The following CFAP44 variants were observed in gnomAD, a reference collection of about 807,000 sequenced individuals.
CFAP44 encodes cilia- and flagella-associated protein 44.
In CFAP44, 134 loss-of-function variants were observed where a neutral mutation model predicts 216.2. The ratio of observed to expected loss-of-function variants is 0.62; its 90% CI spans 0.54 to 0.72. The LOEUF is 0.72. Among genes scored for constraint, CFAP44 ranks in the 30% least tolerant of loss-of-function variants. The pLI is 0.00. For synonymous variants in CFAP44, 700 were observed against 727.6 expected, an observed-to-expected ratio of 0.96 and a Z score of 0.61; for missense variants, 2,035 against 2,182.1, an observed-to-expected ratio of 0.93 and a Z score of 1.34.
At chr3:113,391,965 C>A (rs1933852331) in intron 15 of CFAP44, among the ~76,000 whole-genome samples, 1 of 152,036 alleles carries the variant, frequency 6.6e-6, no homozygotes, top group Admixed American at 6.6e-5. Context: ...AGTACAACCA[C>A]TATGGAGAAC....
chr3:113,303,379 T>C (rs938564193), intron 32 of CFAP44, among the ~76,000 whole-genome samples: 1 of 152,154 alleles, frequency 6.6e-6, no homozygotes, highest in Non-Finnish European at 1.5e-5. Flanking sequence ...AAATGGAATT[T>C]TGTAGCAGTA....
At chr3:113,427,693 C>T (rs1934999454) in intron 2 of CFAP44, 1 of 181,970 alleles carries the variant, frequency 5.5e-6, no homozygotes, top group Admixed American at 6.3e-5. Flanking sequence ...ACAAACAAGC[C>T]TTATTGTCTT....
At chr3:113,433,477 G>C in intron 2 of CFAP44, 88 bp downstream of exon 2, 1 of 400,756 alleles carries the variant, frequency 2.5e-6, no homozygotes, top group Non-Finnish European at 4.4e-6. Context: ...ATAACATCCT[G>C]CTCTTTCCAT....
chr3:113,369,712 A>C lies in CFAP44; in HGVS notation c.2445-3403T>G, dbSNP rs187304331. Among the ~76,000 whole-genome samples, 12 of 152,354 alleles carry C rather than the reference A, an allele frequency of 7.9e-5. No individual in the cohort carries two copies. In the East Asian group the frequency reaches 1.9e-3, roughly 24 times the overall value. The stretch of plus-strand genomic sequence containing the variant: ...ACAAATTCAAAAGCTAGCAGAAGGC[A>C]AGAAATAACTAAGATCAGAGCAGAA... On this transcript the variant is annotated intron_variant, in intron 18 of 34. Coordinates refer to ENST00000393845, the MANE Select transcript of CFAP44 (RefSeq NM_001164496.2).
At chr3:113,376,257 T>C in intron 17 of CFAP44, among the ~76,000 whole-genome samples, 1 of 152,180 alleles carries the variant, frequency 6.6e-6, no homozygotes, top group Non-Finnish European at 1.5e-5. Flanking sequence ...TGGAGCAGGT[T>C]TGTATGGGAC....
intron 6 of CFAP44, among the ~76,000 whole-genome samples, chr3:113,413,868 T>C (rs1213342052): frequency 6.6e-6 from 1 of 152,228 alleles, no homozygotes; most frequent in East Asian, 1.9e-4. Context: ...CACGTGAAAC[T>C]TAAAATCACT....
chr3:113,378,475 C>T (rs1410484083), intron 17 of CFAP44, among the ~76,000 whole-genome samples: 1 of 152,086 alleles, frequency 6.6e-6, no homozygotes, highest in Non-Finnish European at 1.5e-5. Flanking sequence ...GGGAAAAAGT[C>T]AACACTCATC....
At chr3:113,380,435 A>AT (rs931953426) in intron 16 of CFAP44, among the ~76,000 whole-genome samples, 8 of 145,884 alleles carry the variant, frequency 5.5e-5, no homozygotes, top group Non-Finnish European at 9.1e-5. Flanking sequence ...AATTCCCCCT[A>AT]TTTTTTTTTT....
intron 28 of CFAP44, among the ~76,000 whole-genome samples, chr3:113,312,315 C>T (rs1950047783): frequency 6.7e-6 from 1 of 150,224 alleles, no homozygotes; most frequent in Admixed American, 6.6e-5. Context: ...CATCACCTGA[C>T]CTCATGATCC....
chr3:113,402,264 C>T (rs951983508), intron 9 of CFAP44, among the ~76,000 whole-genome samples: 1 of 152,214 alleles, frequency 6.6e-6, no homozygotes, highest in African/African-American at 2.4e-5. Context: ...TCACACTTTA[C>T]TATCTCATTG....
intron 22 of CFAP44, among the ~76,000 whole-genome samples, chr3:113,350,826 C>A (rs1278666710): frequency 6.6e-6 from 1 of 152,234 alleles, no homozygotes; most frequent in African/African-American, 2.4e-5. Flanking sequence ...AAAGGGGTAG[C>A]TTACTGGCTC....
chr3:113,321,322 A>T (rs759751302), intron 28 of CFAP44, among the ~76,000 whole-genome samples: 7 of 152,218 alleles, frequency 4.6e-5, no homozygotes, highest in Non-Finnish European at 1.0e-4. Flanking sequence ...AATCAAACAT[A>T]TCTTCATAAT....
rs1459797110 is a variant in CFAP44, at chr3:113,304,019, C to T, written c.4974G>A (p.Glu1658=). ...ALRRLQERIH[E]LQEENSKQQK... ...GCTGCTTGGAATTTTCCTCCTGGAG[C>T]TCATGGATTCGTTCTTGCAGCCGTC... The change falls in exon 32 of 35, where the codon GAG becomes GAA. Residue 1658 remains glutamate (E), a synonymous_variant. Coordinates refer to ENST00000393845, the MANE Select transcript of CFAP44 (RefSeq NM_001164496.2). 2 of 1,537,344 alleles carry T rather than the reference C, an allele frequency of 1.3e-6. No individual in the cohort carries two copies. The highest frequency in any genetic ancestry group is 2.4e-5 in the East Asian group (1 of 40,924).
chr3:113,371,342 A>T (rs1052968888), intron 18 of CFAP44, among the ~76,000 whole-genome samples: 2 of 152,244 alleles, frequency 1.3e-5, no homozygotes, highest in African/African-American at 4.8e-5. Context: ...CTACAAGGCT[A>T]TAGTAACCAA....
At chr3:113,366,405 T>G in intron 18 of CFAP44, 96 bp from the exon 19 acceptor site, 2 of 1,423,904 alleles carry the variant, frequency 1.4e-6, no homozygotes, top group Non-Finnish European at 1.9e-6. Flanking sequence ...ATAACAAAGT[T>G]GTTATGGACT....
At chr3:113,311,838 G>A (rs1326713787) in intron 28 of CFAP44, among the ~76,000 whole-genome samples, 1 of 152,122 alleles carries the variant, frequency 6.6e-6, no homozygotes, top group Non-Finnish European at 1.5e-5. Context: ...AGGCTGAGGT[G>A]GTCTCAGATG....
chr3:113,399,437 A>G (rs2107358401), intron 13 of CFAP44, among the ~76,000 whole-genome samples: 1 of 151,858 alleles, frequency 6.6e-6, no homozygotes, highest in Middle Eastern at 3.4e-3. Flanking sequence ...CTAACATAAC[A>G]TGTACTTAAC....
At chr3:113,350,294 GGAA>G (rs1308961247) in intron 22 of CFAP44, among the ~76,000 whole-genome samples, 3 of 151,554 alleles carry the variant, frequency 2.0e-5, no homozygotes, top group African/African-American at 7.3e-5. Context: ...GAGTCAGAGA[GGAA>G]GAAAGAAAGA....
chr3:113,301,574 T>G (rs78934204), intron 32 of CFAP44, among the ~76,000 whole-genome samples: 5,111 of 152,268 alleles, frequency 0.034, 262 homozygotes, highest in African/African-American at 0.11. Flanking sequence ...TACCTCAATT[T>G]TAAGTGGGTT....
Sources: allele counts gnomAD v4.1 joint callset (sites outside exome capture counted in the v4.1 genomes callset), GRCh38; gene constraint gnomAD v4.1.1; transcripts MANE v1.5; gene names NCBI Gene and HGNC (gene_info 2026-07-23, HGNC 2026-07-21).